Variants in DIP2C observed in about 807,000 individuals in gnomAD.
The protein encoded by DIP2C is DIP2 acetate--CoA ligase C (putative).
In DIP2C, 33 loss-of-function variants were observed where a neutral mutation model predicts 192.4. The ratio of observed to expected loss-of-function variants is 0.17; its 90% confidence interval spans 0.13 to 0.23. The LOEUF is 0.23. DIP2C is among the 10% of genes least tolerant of loss of function. DIP2C has a pLI of 1.00. For synonymous variants in DIP2C, 979 were observed against 864.1 expected (o/e 1.13, Z -2.33); for missense variants, 1,537 against 2,110.1 (o/e 0.73, Z 5.32).
At chr10:423,400 C>A (rs986230922) in intron 4 of DIP2C, among the ~76,000 whole-genome samples, 8 of 152,166 alleles carry the variant, frequency 5.3e-5, no homozygotes, top group Admixed American at 4.6e-4. Context: ...AGGGCCTGTG[C>A]GGCTCTCAGG....
At chr10:304,117 T>C (rs1159078196) in intron 32 of DIP2C, among the ~76,000 whole-genome samples, 2 of 152,210 alleles carry the variant, frequency 1.3e-5, no homozygotes, top group African/African-American at 4.8e-5. Context: ...GGTAAGTACA[T>C]AAACCGGCTT....
chr10:563,434 G>C (rs1042951907), intron 1 of DIP2C, among the ~76,000 whole-genome samples: 1 of 152,158 alleles, frequency 6.6e-6, no homozygotes, highest in Admixed American at 6.5e-5. Context: ...ACCAAACTAG[G>C]TGAAATGAGT....
intron 1 of DIP2C, among the ~76,000 whole-genome samples, chr10:532,960 T>A (rs531218899): frequency 1.8e-4 from 27 of 152,258 alleles, no homozygotes; most frequent in African/African-American, 6.5e-4. Context: ...CTACTTAATT[T>A]TTTGTAGCAT....
Position 357,847 on chromosome 10 carries a change from T to C in DIP2C, c.2885A>G (p.Asp962Gly). 6.2e-7 allele frequency: 1 copy of C among 1,612,576 alleles called. No homozygotes were observed. The highest frequency in any genetic ancestry group is 8.5e-7 in the Non-Finnish European group (1 of 1,179,806). Reference protein sequence around the residue: ...ASGRDLGQIEDNDQARKFLFL... With the variant: ...ASGRDLGQIEGNDQARKFLFL... ...TCCTACCTTGCGTGCCTGGTCGTTA[T>C]CTTCGATCTGACCCAGGTCTCTGCC... is the stretch of plus-strand genomic sequence containing the variant. Residue 962 changes from aspartate (D) to glycine (G), a missense_variant, in exon 23 of 37, where the codon GAT (aspartate) becomes GGT (glycine). By Grantham distance (94) the Asp-to-Gly change is moderately conservative. Coordinates refer to ENST00000280886, the MANE Select transcript of DIP2C (RefSeq NM_014974.3).
At chr10:496,848 G>C (rs141338512) in intron 1 of DIP2C, among the ~76,000 whole-genome samples, 2,423 of 152,334 alleles carry the variant, frequency 0.016, 67 homozygotes, top group African/African-American at 0.055. Context: ...CCACAGGCCA[G>C]GCACGGTGGC....
chr10:459,039 C>T (rs1387544729), intron 3 of DIP2C, among the ~76,000 whole-genome samples: 1 of 147,928 alleles, frequency 6.8e-6, no homozygotes, highest in East Asian at 2.0e-4. Flanking sequence ...AGTTCTCAAA[C>T]TCTTTGACCC....
At chr10:421,521 A>C (rs1966178558) in intron 5 of DIP2C, among the ~76,000 whole-genome samples, 1 of 146,826 alleles carries the variant, frequency 6.8e-6, no homozygotes, top group Non-Finnish European at 1.5e-5. Context: ...ATTTTATTAC[A>C]AAAAAAAATA....
At chr10:489,856 G>C (rs1329193133) in intron 1 of DIP2C, among the ~76,000 whole-genome samples, 1 of 102,100 alleles carries the variant, frequency 9.8e-6, no homozygotes, top group Non-Finnish European at 2.0e-5. Flanking sequence ...CGGTGGCTCT[G>C]ACAGTGCCCG....
chr10:287,368 C>G (rs779313905), intron 33 of DIP2C, among the ~76,000 whole-genome samples: 1 of 152,168 alleles, frequency 6.6e-6, no homozygotes, highest in Non-Finnish European at 1.5e-5. Context: ...ATCAGCTCAT[C>G]TAACATTTAT....
chr10:335,858 T>G (rs1481704233), intron 29 of DIP2C, among the ~76,000 whole-genome samples: 2 of 152,216 alleles, frequency 1.3e-5, no homozygotes, highest in Non-Finnish European at 1.5e-5. Context: ...TGTATCTGAA[T>G]AGTTGGAAAA....
chr10:355,157 C>A (rs989673733), intron 24 of DIP2C, among the ~76,000 whole-genome samples: 2 of 152,130 alleles, frequency 1.3e-5, no homozygotes, highest in African/African-American at 4.8e-5. Flanking sequence ...CACCAGCGAA[C>A]GAGGGCCAGA....
At chr10:430,391 G>A (rs1966845891) in intron 4 of DIP2C, 2 of 152,108 alleles carry the variant, frequency 1.3e-5, no homozygotes, top group Non-Finnish European at 2.9e-5. Flanking sequence ...CGAACTTAGT[G>A]TCGACACCTG....
chr10:343,365 C>A (rs1333308504), intron 28 of DIP2C, among the ~76,000 whole-genome samples: 1 of 152,154 alleles, frequency 6.6e-6, no homozygotes, highest in Admixed American at 6.5e-5. Flanking sequence ...CAGCACAGAG[C>A]CTTGTAATAA....
intron 1 of DIP2C, chr10:665,898 A>G (rs1193185173): frequency 6.6e-6 from 1 of 152,172 alleles, no homozygotes; most frequent in East Asian, 1.9e-4. Context: ...CAATCTGCTG[A>G]TAAGAGGTAA....
chr10:392,870 C>T (rs565502293), intron 10 of DIP2C, among the ~76,000 whole-genome samples: 1 of 143,752 alleles, frequency 7.0e-6, no homozygotes, highest in South Asian at 2.4e-4. Context: ...TACACAGACA[C>T]TCAACACTCA....
chr10:622,373 AAGAAGGGGGAGGGAGGG>A (rs1190328793), intron 1 of DIP2C, among the ~76,000 whole-genome samples: 1 of 19,784 alleles, frequency 5.1e-5, no homozygotes, highest in Admixed American at 7.0e-4. Context: ...AGGGGGAGAG[AAGAAGGGGGAGGGAGGG>A]AGGAGGGGGA....
chr10:591,118 GTTTTT>G (rs879406394), intron 1 of DIP2C, among the ~76,000 whole-genome samples: 6 of 150,248 alleles, frequency 4.0e-5, no homozygotes, highest in Admixed American at 1.3e-4. Flanking sequence ...TCCATTACTG[GTTTTT>G]TTTGTTTTGT....
At chr10:680,070 G>A (rs886377313) in intron 1 of DIP2C, among the ~76,000 whole-genome samples, 2 of 152,174 alleles carry the variant, frequency 1.3e-5, no homozygotes, top group African/African-American at 4.8e-5. Context: ...CCTGGACGAT[G>A]CTGACAGTGT....
At position 379,994 on chromosome 10, in the gene DIP2C, G is replaced by T. The variant is rs548399691; in HGVS notation, c.1991+2653C>A. Among the ~76,000 whole-genome samples, 215 of 152,140 alleles carry T rather than the reference G, an allele frequency of 1.4e-3. 1 individual carries two copies. Among genetic ancestry groups the T allele is most frequent in the African/African-American group, 4.8e-3 (200 of 41,524 alleles). On this transcript the variant is annotated intron_variant, in intron 17 of 36. Coordinates refer to ENST00000280886, the MANE Select transcript of DIP2C (RefSeq NM_014974.3). ...GTCCCTAGAAGATGGTTAACACGCA[G>T]AAGAGGCTGTCCCTGGATGATGGTT...
Sources: gnomAD v4.1 joint callset for allele counts (sites outside exome capture counted in the v4.1 genomes callset) on GRCh38, gnomAD v4.1.1 for gene constraint, MANE v1.5 for transcripts, NCBI Gene and HGNC (gene_info 2026-07-23, HGNC 2026-07-21) for gene names.